The following CERT1 variants were observed in gnomAD, a reference collection of about 807,000 sequenced individuals.
The protein encoded by CERT1 is ceramide transporter 1.
A neutral mutation model predicts 87.9 loss-of-function variants in CERT1; 31 were observed. That is an observed-to-expected ratio of 0.35 (90% CI 0.27 to 0.48). The LOEUF is 0.48. CERT1 is among the 20% of genes least tolerant of loss of function. The pLI is 0.99. For synonymous variants in CERT1, 289 were observed against 250.9 expected (o/e 1.15, Z -1.44); for missense variants, 487 against 758.0 (o/e 0.64, Z 4.20).
chr5:75,394,828 T>C (rs563102559), intron 11 of CERT1, among the ~76,000 whole-genome samples: 1 of 152,194 alleles, frequency 6.6e-6, no homozygotes, highest in African/African-American at 2.4e-5. Flanking sequence ...AGGAAATAAT[T>C]AGATAAGGGT....
At chr5:75,438,276 A>G (rs1006484065) in intron 3 of CERT1, among the ~76,000 whole-genome samples, 3 of 152,208 alleles carry the variant, frequency 2.0e-5, no homozygotes, top group Non-Finnish European at 4.4e-5. Context: ...AAAAGTTATC[A>G]AACTGTTCTA....
At chr5:75,423,091 C>T (rs1763455159) in intron 5 of CERT1, among the ~76,000 whole-genome samples, 1 of 152,166 alleles carries the variant, frequency 6.6e-6, no homozygotes, top group Admixed American at 6.6e-5. Context: ...CTTCAATTTG[C>T]TATTTATTTA....
chr5:75,433,231 A>G (rs1386605834), intron 3 of CERT1, among the ~76,000 whole-genome samples: 1 of 152,220 alleles, frequency 6.6e-6, no homozygotes, highest in East Asian at 1.9e-4. Flanking sequence ...CTGTGAAAAA[A>G]GACATTAGTA....
chr5:75,466,171 T>C (rs1412649507), intron 2 of CERT1, among the ~76,000 whole-genome samples: 2 of 152,186 alleles, frequency 1.3e-5, no homozygotes, highest in Non-Finnish European at 1.5e-5. Context: ...CCCCTTTTAT[T>C]GGGTTCTGTC....
At chr5:75,494,992 T>G (rs1188097400) in intron 2 of CERT1, among the ~76,000 whole-genome samples, 1 of 152,200 alleles carries the variant, frequency 6.6e-6, no homozygotes, top group Non-Finnish European at 1.5e-5. Context: ...TATGTAAGTT[T>G]TCAGGAATCA....
chr5:75,446,820 A>G (rs529970564), intron 3 of CERT1, among the ~76,000 whole-genome samples: 18 of 152,260 alleles, frequency 1.2e-4, no homozygotes, highest in African/African-American at 4.3e-4. Flanking sequence ...GTTGTTTATG[A>G]ATGTCCTAGT....
At chr5:75,420,351 T>G (rs977735669) in intron 5 of CERT1, among the ~76,000 whole-genome samples, 6 of 151,492 alleles carry the variant, frequency 4.0e-5, no homozygotes, top group South Asian at 2.1e-4. Flanking sequence ...TCGACTGTTT[T>G]TTTTTTTTTT....
chr5:75,501,497 T>C (rs1767367824), intron 2 of CERT1, among the ~76,000 whole-genome samples: 1 of 152,224 alleles, frequency 6.6e-6, no homozygotes, highest in Admixed American at 6.5e-5. Flanking sequence ...AAACTAATTC[T>C]ATCTGAAGAT....
chr5:75,485,514 T>C (rs1475164512), intron 2 of CERT1, among the ~76,000 whole-genome samples: 2 of 151,296 alleles, frequency 1.3e-5, no homozygotes, highest in East Asian at 3.9e-4. Flanking sequence ...GAATAAATAA[T>C]AAACATCAGA....
At chr5:75,482,158 C>T (rs1457345589) in intron 2 of CERT1, among the ~76,000 whole-genome samples, 1 of 152,118 alleles carries the variant, frequency 6.6e-6, no homozygotes, top group African/African-American at 2.4e-5. Context: ...CTAGACCAGC[C>T]CTGGGCCAGA....
intron 7 of CERT1, among the ~76,000 whole-genome samples, chr5:75,412,821 A>G (rs1291693598): frequency 1.3e-5 from 2 of 152,212 alleles, no homozygotes; most frequent in African/African-American, 2.4e-5. Flanking sequence ...TGAGTAGTCA[A>G]TGAATGTGAA....
At chr5:75,485,807 A>G (rs1394899563) in intron 2 of CERT1, among the ~76,000 whole-genome samples, 2 of 152,170 alleles carry the variant, frequency 1.3e-5, no homozygotes, top group Non-Finnish European at 2.9e-5. Context: ...ATATTGAACC[A>G]GGAAGAAATT....
At chr5:75,436,854 G>A (rs1020806622) in intron 3 of CERT1, among the ~76,000 whole-genome samples, 4 of 152,054 alleles carry the variant, frequency 2.6e-5, no homozygotes, top group African/African-American at 9.7e-5. Context: ...CAGGAGCCTC[G>A]ATCTCACAGG....
At chr5:75,416,039 T>G (rs1325938500) in intron 7 of CERT1, among the ~76,000 whole-genome samples, 1 of 152,152 alleles carries the variant, frequency 6.6e-6, no homozygotes, top group Non-Finnish European at 1.5e-5. Context: ...TTGCTTTCCT[T>G]AGTGTCCCGC....
rs1024716023 is a variant in CERT1 at position 75,466,392 on chromosome 5, G to A, written c.232-7211C>T. ...AGATGCCAGTACCAGCTACGCATGC[G>A]CCACTTCTTAGTTGTATGAGGTGTC... On this transcript the variant is annotated intron_variant, in intron 2 of 16. Transcript: ENST00000643780. Among the ~76,000 whole-genome samples, 11 of 152,136 alleles carry A rather than the reference G, an allele frequency of 7.2e-5. No homozygotes were observed. In the South Asian group the frequency reaches 8.3e-4, roughly 11 times the overall value.
intron 8 of CERT1, among the ~76,000 whole-genome samples, chr5:75,403,586 A>G (rs1762586991): frequency 6.6e-6 from 1 of 152,256 alleles, no homozygotes; most frequent in African/African-American, 2.4e-5. Flanking sequence ...CAATGAGGTA[A>G]GTAAAAATTT....
intron 3 of CERT1, among the ~76,000 whole-genome samples, chr5:75,436,464 T>C (rs187586302): frequency 3.3e-5 from 5 of 152,364 alleles, no homozygotes; most frequent in Middle Eastern, 3.4e-3. Context: ...TTTGTAAGTG[T>C]AGTACTCTAT....
chr5:75,477,334 G>C (rs757304334), intron 2 of CERT1, among the ~76,000 whole-genome samples: 1 of 152,054 alleles, frequency 6.6e-6, no homozygotes, highest in Non-Finnish European at 1.5e-5. Flanking sequence ...GCTGAAGACA[G>C]GGCAGGTTGA....
chr5:75,382,225 T>C (rs1449218680), intron 14 of CERT1, 148 bp from the exon 15 acceptor site: 10 of 682,284 alleles, frequency 1.5e-5, no homozygotes, highest in Non-Finnish European at 2.4e-5. Flanking sequence ...TGATTAATTA[T>C]GAACAGAGTT....
Sources: gnomAD v4.1 joint callset for allele counts (sites outside exome capture counted in the v4.1 genomes callset) on GRCh38, gnomAD v4.1.1 for gene constraint, MANE v1.5 for transcripts, NCBI Gene and HGNC (gene_info 2026-07-23, HGNC 2026-07-21) for gene names.